Variants in NELL2 observed in about 807,000 individuals in gnomAD.
The protein encoded by NELL2 is protein kinase C-binding protein NELL2.
A neutral mutation model predicts 109.6 loss-of-function variants in NELL2; 41 were observed. The ratio of observed to expected loss-of-function variants is 0.37; its 90% CI spans 0.29 to 0.49. The LOEUF is 0.49. NELL2 is among the 20% of genes least tolerant of loss of function. The probability of loss-of-function intolerance (pLI) is 0.98; values close to 1 mark genes in which losing one functional copy is unlikely to be tolerated. For missense variants in NELL2, 900 were observed against 1,008.3 expected (o/e 0.89, Z 1.45); for synonymous variants, 355 against 344.7 (o/e 1.03, Z -0.33).
Position 44,747,288 on chromosome 12 carries a change from G to C in NELL2, c.994+27459C>G, listed in dbSNP as rs186945154. Reference sequence around the variant, plus strand: ...CACAGGAAGGGGAACATCACACACCGGGGACTGTTGTAAGGTGGGGGAAGG... The same window carrying C: ...CACAGGAAGGGGAACATCACACACCCGGGACTGTTGTAAGGTGGGGGAAGG... On this transcript the variant is annotated intron_variant, in intron 9 of 19. Transcript: ENST00000429094. 6.6e-5 allele frequency among the ~76,000 whole-genome samples: 10 copies of C among 152,002 alleles called. No homozygotes were observed. The East Asian group carries it at 1.5e-3, about 24-fold the overall frequency.
chr12:44,626,764 A>G (rs1023471600), intron 13 of NELL2, among the ~76,000 whole-genome samples: 1 of 152,186 alleles, frequency 6.6e-6, no homozygotes, highest in Admixed American at 6.5e-5. Context: ...CCAAGGCCAC[A>G]GTTAATAAGT....
At chr12:44,679,165 G>T (rs1454824461) in intron 12 of NELL2, among the ~76,000 whole-genome samples, 1 of 152,094 alleles carries the variant, frequency 6.6e-6, no homozygotes. Flanking sequence ...ACTCCCGGGA[G>T]GAGAGGTTTC....
intron 15 of NELL2, among the ~76,000 whole-genome samples, chr12:44,559,616 C>T (rs776246468): frequency 1.3e-5 from 2 of 152,246 alleles, no homozygotes; most frequent in East Asian, 1.9e-4. Context: ...ATGAATGCAA[C>T]AAGAAGAGCT....
chr12:44,741,695 C>A (rs1939977212), intron 9 of NELL2, among the ~76,000 whole-genome samples: 1 of 152,338 alleles, frequency 6.6e-6, no homozygotes, highest in South Asian at 2.1e-4. Flanking sequence ...CCCACAGAGT[C>A]TCGCTCATTA....
chr12:44,644,336 G>A (rs1946973125), intron 13 of NELL2, among the ~76,000 whole-genome samples: 1 of 151,876 alleles, frequency 6.6e-6, no homozygotes, highest in Non-Finnish European at 1.5e-5. Flanking sequence ...ATAAATCTGA[G>A]ATAAATTCTA....
intron 2 of NELL2, among the ~76,000 whole-genome samples, chr12:44,842,849 C>T (rs757102202): frequency 1.3e-5 from 2 of 151,590 alleles, no homozygotes; most frequent in African/African-American, 2.4e-5. Flanking sequence ...AAGAGGCCCA[C>T]GTGCAGATGG....
At chr12:44,800,411 C>A (rs1380243076) in intron 3 of NELL2, among the ~76,000 whole-genome samples, 1 of 152,102 alleles carries the variant, frequency 6.6e-6, no homozygotes. Flanking sequence ...ATACACTAAT[C>A]TTCTCTTCAA....
At chr12:44,690,289 G>A (rs1948859290) in intron 12 of NELL2, among the ~76,000 whole-genome samples, 1 of 152,132 alleles carries the variant, frequency 6.6e-6, no homozygotes, top group Non-Finnish European at 1.5e-5. Flanking sequence ...CTCTCCAGTT[G>A]AGCATATAGC....
intron 3 of NELL2, among the ~76,000 whole-genome samples, chr12:44,792,967 A>G (rs1168131259): frequency 6.6e-6 from 1 of 152,216 alleles, no homozygotes. Flanking sequence ...AACTGATAAA[A>G]TTCCAATTAT....
intron 19 of NELL2, among the ~76,000 whole-genome samples, chr12:44,510,495 C>T (rs7958300): frequency 0.14 from 21,037 of 152,192 alleles, 3,205 homozygotes; most frequent in African/African-American, 0.38. Context: ...ATGATAAAAA[C>T]TGAAAGTGTC....
chr12:44,649,192 T>G (rs1947215191), intron 13 of NELL2, among the ~76,000 whole-genome samples: 1 of 151,976 alleles, frequency 6.6e-6, no homozygotes, highest in South Asian at 2.1e-4. Flanking sequence ...ATTTTTCTCC[T>G]TCTCTCTTCC....
chr12:44,665,018 T>G (rs1028051222), intron 13 of NELL2, among the ~76,000 whole-genome samples: 1 of 152,144 alleles, frequency 6.6e-6, no homozygotes, highest in African/African-American at 2.4e-5. Flanking sequence ...GAAAACTTCT[T>G]TGATGTAGTT....
At chr12:44,523,545 C>T (rs1941634886) in intron 16 of NELL2, 61 bp from the exon 17 acceptor site, 1 of 1,435,764 alleles carries the variant, frequency 7.0e-7, no homozygotes, top group East Asian at 2.3e-5. Context: ...CAAACAACTG[C>T]AATCAGGCCA....
intron 15 of NELL2, among the ~76,000 whole-genome samples, chr12:44,602,033 T>C (rs1945241655): frequency 6.6e-6 from 1 of 152,146 alleles, no homozygotes; most frequent in Admixed American, 6.5e-5. Flanking sequence ...AGTTACGTCT[T>C]AATTATCTAA....
intron 13 of NELL2, among the ~76,000 whole-genome samples, chr12:44,620,075 G>A (rs1245167586): frequency 1.3e-5 from 2 of 150,888 alleles, no homozygotes; most frequent in Non-Finnish European, 2.9e-5. Flanking sequence ...ATATAAGAGA[G>A]CCTCTTACCT....
chr12:44,705,194 AACATACTCCCT>A (rs1224602650), intron 11 of NELL2, among the ~76,000 whole-genome samples: 3 of 152,130 alleles, frequency 2.0e-5, no homozygotes, highest in Admixed American at 2.0e-4. Context: ...CCAGAGTTAA[AACATACTCCCT>A]ATTAATGCAA....
chr12:44,890,981 C>T (rs139745625), intron 1 of NELL2, among the ~76,000 whole-genome samples: 1 of 152,182 alleles, frequency 6.6e-6, no homozygotes, highest in African/African-American at 2.4e-5. Flanking sequence ...CCACCCGCCT[C>T]GGCATCCCCA....
chr12:44,577,613 G>A (rs1407075020), intron 15 of NELL2, among the ~76,000 whole-genome samples: 3 of 151,722 alleles, frequency 2.0e-5, no homozygotes, highest in Non-Finnish European at 4.4e-5. Flanking sequence ...GAGTAGCTGG[G>A]AATACAGGCG....
At position 44,885,719 on chromosome 12, in the gene NELL2, A is replaced by G. The variant is rs529747061; in HGVS notation, c.39-9819T>C. On this transcript the variant is annotated intron_variant, in intron 1 of 20. Coordinates refer to the NELL2 transcript ENST00000333837. ...ATCAATTATCTTCATATTGATATAA[A>G]GATTCAAGAAAATCTCAATAAAAAT... 4.6e-5 allele frequency among the ~76,000 whole-genome samples: 7 copies of G among 152,086 alleles called. 1 individual carries two copies. The highest frequency in any genetic ancestry group is 1.7e-4 in the African/African-American group (7 of 41,434).
Sources: allele counts gnomAD v4.1 joint callset (sites outside exome capture counted in the v4.1 genomes callset), GRCh38; gene constraint gnomAD v4.1.1; transcripts MANE v1.5; gene names NCBI Gene and HGNC (gene_info 2026-07-23, HGNC 2026-07-21).